Variants in HS3ST4 observed in about 807,000 individuals in gnomAD.
HS3ST4 encodes heparan sulfate glucosamine 3-O-sulfotransferase 4.
Under a neutral mutation model 29.2 loss-of-function variants are expected in HS3ST4, and 17 were observed. The ratio of observed to expected loss-of-function variants is 0.58; its 90% CI spans 0.40 to 0.87. HS3ST4 has a LOEUF of 0.87. Among genes scored for constraint, HS3ST4 ranks in the 40% least tolerant of loss-of-function variants. The probability of loss-of-function intolerance (pLI) is 0.00; values close to 1 mark genes in which losing one functional copy is unlikely to be tolerated. For synonymous variants in HS3ST4, 314 were observed against 285.7 expected, an observed-to-expected ratio of 1.10 and a Z score of -1.00; for missense variants, 627 against 634.5, an observed-to-expected ratio of 0.99 and a Z score of 0.13.
chr16:25,947,430 C>T (rs937184024), intron 1 of HS3ST4, among the ~76,000 whole-genome samples: 2 of 152,218 alleles, frequency 1.3e-5, no homozygotes, highest in Non-Finnish European at 2.9e-5. Context: ...ATTCATTTTT[C>T]TCCTTCATGA....
intron 1 of HS3ST4, among the ~76,000 whole-genome samples, chr16:25,905,527 A>C (rs1027960983): frequency 6.6e-6 from 1 of 151,984 alleles, no homozygotes; most frequent in African/African-American, 2.4e-5. Flanking sequence ...AGACCTTCAG[A>C]CTCCACCTGA....
chr16:25,947,224 A>C (rs779775196), intron 1 of HS3ST4, among the ~76,000 whole-genome samples: 1 of 152,164 alleles, frequency 6.6e-6, no homozygotes, highest in Non-Finnish European at 1.5e-5. Context: ...GAAATTGAAA[A>C]ACTTCAACAT....
At chr16:26,000,467 T>C (rs1424139791) in intron 1 of HS3ST4, among the ~76,000 whole-genome samples, 1 of 152,184 alleles carries the variant, frequency 6.6e-6, no homozygotes, top group Non-Finnish European at 1.5e-5. Flanking sequence ...AATACGTATG[T>C]ATCCTTGATT....
chr16:25,729,483 A>G (rs1477247832), intron 1 of HS3ST4, among the ~76,000 whole-genome samples: 5 of 152,308 alleles, frequency 3.3e-5, no homozygotes, highest in African/African-American at 1.2e-4. Flanking sequence ...GATGACGTGT[A>G]GTTAGGTTCC....
chr16:25,728,354 G>C (rs1161391791), intron 1 of HS3ST4, among the ~76,000 whole-genome samples: 1 of 152,144 alleles, frequency 6.6e-6, no homozygotes, highest in African/African-American at 2.4e-5. Flanking sequence ...TCTGACTCAG[G>C]CTCAAATATC....
chr16:26,089,584 A>T (rs1418909170), intron 1 of HS3ST4, among the ~76,000 whole-genome samples: 1 of 152,184 alleles, frequency 6.6e-6, no homozygotes, highest in Non-Finnish European at 1.5e-5. Context: ...TCATGCCAGG[A>T]TTTGCTCTGT....
chr16:25,821,245 GA>G (rs2141633607), intron 1 of HS3ST4, among the ~76,000 whole-genome samples: 1 of 152,008 alleles, frequency 6.6e-6, no homozygotes, highest in African/African-American at 2.4e-5. Flanking sequence ...TTTTAGTAGA[GA>G]CGGGGTTTCA....
chr16:26,007,696 C>G (rs1036862155), intron 1 of HS3ST4, among the ~76,000 whole-genome samples: 2 of 152,200 alleles, frequency 1.3e-5, no homozygotes, highest in Admixed American at 1.3e-4. Context: ...AAGACAGAAG[C>G]CTTCACTCAT....
chr16:25,958,875 C>A (rs1219221869), intron 1 of HS3ST4, among the ~76,000 whole-genome samples: 1 of 152,160 alleles, frequency 6.6e-6, no homozygotes, highest in Non-Finnish European at 1.5e-5. Flanking sequence ...CCTCAAGGCA[C>A]AAAAGCAGAT....
chr16:25,907,059 T>C (rs1968186506), intron 1 of HS3ST4, among the ~76,000 whole-genome samples: 1 of 152,058 alleles, frequency 6.6e-6, no homozygotes, highest in Non-Finnish European at 1.5e-5. Flanking sequence ...TAGACAGGCA[T>C]GGTGGCACAT....
intron 1 of HS3ST4, among the ~76,000 whole-genome samples, chr16:25,811,261 G>A (rs370013438): frequency 1.3e-5 from 2 of 151,804 alleles, no homozygotes; most frequent in South Asian, 2.1e-4. Context: ...TCAACCCCAA[G>A]AGAGCAAGAC....
chr16:26,019,279 C>T (rs1969388659), intron 1 of HS3ST4, among the ~76,000 whole-genome samples: 1 of 152,080 alleles, frequency 6.6e-6, no homozygotes, highest in Admixed American at 6.6e-5. Context: ...GGAAGGGCAC[C>T]ATCATTTAGT....
At chr16:26,112,381 C>CTTTTTTTTTTTTTTTTTTTTTTTTTTTTT (rs386384539) in intron 1 of HS3ST4, among the ~76,000 whole-genome samples, 1 of 111,974 alleles carries the variant, frequency 8.9e-6, no homozygotes, top group Non-Finnish European at 1.7e-5. Context: ...GCCTCTACAT[C>CTTTTTTTTTTTTTTTTTTTTTTTTTTTTT]TTTTTTTTTT....
intron 1 of HS3ST4, among the ~76,000 whole-genome samples, chr16:25,803,456 T>C (rs549299766): frequency 2.7e-4 from 41 of 152,302 alleles, no homozygotes; most frequent in Non-Finnish European, 5.3e-4. Flanking sequence ...GCCAGGAGAA[T>C]AGAAGATGTA....
intron 1 of HS3ST4, among the ~76,000 whole-genome samples, chr16:26,092,729 T>C (rs986607656): frequency 7.9e-5 from 12 of 151,982 alleles, no homozygotes; most frequent in Admixed American, 7.2e-4. Flanking sequence ...GTTCATCTCA[T>C]TGGGATGGTT....
chr16:25,742,817 C>T (rs138670489), intron 1 of HS3ST4, among the ~76,000 whole-genome samples: 128 of 152,316 alleles, frequency 8.4e-4, no homozygotes, highest in African/African-American at 2.9e-3. Context: ...TCATAACTTC[C>T]GTTGTCACAT....
intron 1 of HS3ST4, among the ~76,000 whole-genome samples, chr16:26,085,511 T>C (rs1482754460): frequency 1.8e-5 from 2 of 113,320 alleles, no homozygotes; most frequent in African/African-American, 6.7e-5. Context: ...ATGAAAAACA[T>C]ATATATATAT....
chr16:25,970,844 A>G (rs1387917910), intron 1 of HS3ST4, among the ~76,000 whole-genome samples: 1 of 151,690 alleles, frequency 6.6e-6, no homozygotes, highest in Non-Finnish European at 1.5e-5. Context: ...CACCTTTTGT[A>G]CAAGCATCCT....
At chr16:25,958,999 T>C (rs1290039524) in intron 1 of HS3ST4, among the ~76,000 whole-genome samples, 1 of 152,234 alleles carries the variant, frequency 6.6e-6, no homozygotes, top group Non-Finnish European at 1.5e-5. Context: ...GTCAATACAC[T>C]GAGACATGGG....
Sources: allele counts gnomAD v4.1 joint callset (sites outside exome capture counted in the v4.1 genomes callset), GRCh38; gene constraint gnomAD v4.1.1; transcripts MANE v1.5; gene names NCBI Gene and HGNC (gene_info 2026-07-23, HGNC 2026-07-21).